Variants in KCNAB1 observed in about 807,000 individuals in gnomAD.
KCNAB1 encodes voltage-gated potassium channel subunit beta-1.
A neutral mutation model predicts 64.6 loss-of-function variants in KCNAB1; 35 were observed. That is an observed-to-expected ratio of 0.54 (90% CI 0.41 to 0.72). KCNAB1 has a LOEUF of 0.72. Ranked by LOEUF, KCNAB1 falls within the 30% of genes least tolerant of loss-of-function variation. The pLI is 0.00. For synonymous variants in KCNAB1, 177 were observed against 183.8 expected (o/e 0.96, Z 0.30); for missense variants, 401 against 512.9 (o/e 0.78, Z 2.11).
intron 12 of KCNAB1, among the ~76,000 whole-genome samples, chr3:156,527,392 T>G (rs1453275872): frequency 6.6e-6 from 1 of 152,118 alleles, no homozygotes; most frequent in East Asian, 1.9e-4. Context: ...TTGCAGAGAG[T>G]AGACATGCAA....
chr3:156,502,701 G>C (rs775933469), intron 8 of KCNAB1, among the ~76,000 whole-genome samples: 3 of 152,142 alleles, frequency 2.0e-5, no homozygotes, highest in Non-Finnish European at 4.4e-5. Context: ...ATCAGGGTAA[G>C]ACCCATGTTC....
chr3:156,405,338 C>A (rs527971051), intron 1 of KCNAB1, among the ~76,000 whole-genome samples: 7 of 152,350 alleles, frequency 4.6e-5, no homozygotes, highest in African/African-American at 1.7e-4. Flanking sequence ...ACTGCAGGGG[C>A]CAGAGCCCTC....
At chr3:156,513,092 G>C (rs553254243) in intron 8 of KCNAB1, among the ~76,000 whole-genome samples, 4 of 152,210 alleles carry the variant, frequency 2.6e-5, no homozygotes, top group African/African-American at 7.2e-5. Flanking sequence ...GGCACCTGTA[G>C]TCCCAGCTAC....
chr3:156,483,160 A>G (rs1714953523), intron 8 of KCNAB1, among the ~76,000 whole-genome samples: 1 of 152,060 alleles, frequency 6.6e-6, no homozygotes, highest in Non-Finnish European at 1.5e-5. Flanking sequence ...GTGATTATAT[A>G]GGTCAAATCT....
chr3:156,266,238 C>T (rs1030549708), intron 1 of KCNAB1, among the ~76,000 whole-genome samples: 3 of 152,134 alleles, frequency 2.0e-5, no homozygotes, highest in African/African-American at 7.2e-5. Flanking sequence ...TACTGCATTA[C>T]TCCCATTTTC....
chr3:156,520,221 A>G (rs1234453805), intron 11 of KCNAB1, among the ~76,000 whole-genome samples: 1 of 152,180 alleles, frequency 6.6e-6, no homozygotes, highest in Non-Finnish European at 1.5e-5. Flanking sequence ...ATAGCTTCTA[A>G]ATAGAAATAA....
chr3:156,528,601 G>C (rs1718486731), intron 12 of KCNAB1, among the ~76,000 whole-genome samples: 1 of 152,176 alleles, frequency 6.6e-6, no homozygotes, highest in African/African-American at 2.4e-5. Context: ...CAATACCTTT[G>C]GGGAATCTCA....
chr3:156,143,569 GTTT>G (rs56216211), intron 1 of KCNAB1: 197 of 296,632 alleles, frequency 6.6e-4, no homozygotes, highest in South Asian at 1.0e-3. Context: ...TTGCATTCTT[GTTT>G]TTTTTTTTTT....
chr3:156,489,845 A>T (rs1007667219), intron 8 of KCNAB1, among the ~76,000 whole-genome samples: 2 of 152,098 alleles, frequency 1.3e-5, no homozygotes, highest in African/African-American at 2.4e-5. Flanking sequence ...ACAACTTAAC[A>T]TGTACCACAC....
At chr3:156,152,410 A>T (rs1204361338) in intron 1 of KCNAB1, among the ~76,000 whole-genome samples, 1 of 152,176 alleles carries the variant, frequency 6.6e-6, no homozygotes, top group Non-Finnish European at 1.5e-5. Flanking sequence ...GCCGAAGGAG[A>T]GGCCTGATAC....
Position 156,508,886 on chromosome 3 carries a change from C to T in KCNAB1, c.659-5478C>T, listed in dbSNP as rs558440145. 6.6e-6 allele frequency among the ~76,000 whole-genome samples: 1 copy of T among 152,280 alleles called. No individual in the cohort carries two copies. The highest frequency in any genetic ancestry group is 1.9e-4 in the East Asian group (1 of 5,186). ...GTTAAAGAATAATGATTATTTCAAC[C>T]TGGAAAGGAGCGCAGAGGGAGGACT... On this transcript the variant is annotated intron_variant, in intron 8 of 13. Coordinates refer to ENST00000490337, the MANE Select transcript of KCNAB1 (RefSeq NM_172160.3). The surrounding 1 kb of genome is among the most constrained non-coding windows in gnomAD (Gnocchi z 4.1).
intron 2 of KCNAB1, among the ~76,000 whole-genome samples, chr3:156,437,848 T>G (rs10513488): frequency 0.13 from 20,494 of 152,148 alleles, 2,531 homozygotes; most frequent in African/African-American, 0.32. Flanking sequence ...CTTCCAAATT[T>G]TTCTTCATCC....
At chr3:156,158,639 T>C (rs1214334878) in intron 1 of KCNAB1, among the ~76,000 whole-genome samples, 5 of 152,176 alleles carry the variant, frequency 3.3e-5, no homozygotes, top group Admixed American at 3.3e-4. Context: ...AAATTTCAGA[T>C]TTAAGATGCA....
At chr3:156,179,071 TCC>T (rs1352399140) in intron 1 of KCNAB1, among the ~76,000 whole-genome samples, 3 of 151,624 alleles carry the variant, frequency 2.0e-5, no homozygotes, top group Non-Finnish European at 4.4e-5. Context: ...CATGTGCTTC[TCC>T]ACTCCAGTGA....
chr3:156,122,929 C>T (rs992991185), intron 1 of KCNAB1, among the ~76,000 whole-genome samples: 2 of 152,190 alleles, frequency 1.3e-5, no homozygotes, highest in Non-Finnish European at 2.9e-5. Flanking sequence ...ATTCCTCTGT[C>T]GAGTCCTTGA....
intron 8 of KCNAB1, among the ~76,000 whole-genome samples, chr3:156,507,825 T>TA (rs902721830): frequency 2.8e-4 from 42 of 147,586 alleles, no homozygotes; most frequent in East Asian, 1.4e-3. Flanking sequence ...CCTTGCCTCT[T>TA]AAAAAAAAAA....
intron 1 of KCNAB1, among the ~76,000 whole-genome samples, chr3:156,141,622 T>A (rs1271681250): frequency 6.6e-6 from 1 of 152,002 alleles, no homozygotes; most frequent in Non-Finnish European, 1.5e-5. Context: ...ACTTGCTGAG[T>A]GGTATTTCGT....
chr3:156,249,471 C>T lies in KCNAB1; in HGVS notation c.275+128585C>T, dbSNP rs182063586. Reference sequence around the variant, plus strand: ...CCTGTAACCCTAGATACTAGGGAGGCTGAGGTAGGAGAATCACTTGAACCC... The same window carrying T: ...CCTGTAACCCTAGATACTAGGGAGGTTGAGGTAGGAGAATCACTTGAACCC... On this transcript the variant is annotated intron_variant, in intron 1 of 13. Transcript: ENST00000490337. Among the ~76,000 whole-genome samples the T allele has an allele frequency of 4.6e-4, 69 of 151,322 alleles. 1 individual carries two copies. Among genetic ancestry groups the T allele is most frequent in the Admixed American group, 3.2e-3 (48 of 15,196 alleles).
intron 10 of KCNAB1, among the ~76,000 whole-genome samples, chr3:156,515,922 G>A (rs192395552): frequency 6.6e-6 from 1 of 152,238 alleles, no homozygotes; most frequent in Admixed American, 6.5e-5. Flanking sequence ...CACTTATTGA[G>A]TGTTTACTAT....
Sources: allele counts gnomAD v4.1 joint callset (sites outside exome capture counted in the v4.1 genomes callset), GRCh38; gene constraint gnomAD v4.1.1; non-coding constraint Gnocchi (gnomAD v3.1); transcripts MANE v1.5; gene names NCBI Gene and HGNC (gene_info 2026-07-23, HGNC 2026-07-21).